Variants in GABRG3 observed in about 807,000 individuals in gnomAD.
GABRG3 encodes the protein gamma-aminobutyric acid receptor subunit gamma-3.
A neutral mutation model predicts 48.8 loss-of-function variants in GABRG3; 25 were observed. That is an observed-to-expected ratio of 0.51 (90% CI 0.37 to 0.72). GABRG3 has a LOEUF of 0.72. Among genes scored for constraint, GABRG3 ranks in the 30% least tolerant of loss-of-function variants. The probability of loss-of-function intolerance (pLI) is 0.00; values close to 1 mark genes in which losing one functional copy is unlikely to be tolerated. For missense variants in GABRG3, 394 were observed against 577.9 expected (o/e 0.68, Z 3.26); for synonymous variants, 227 against 217.6 (o/e 1.04, Z -0.38).
intron 6 of GABRG3, among the ~76,000 whole-genome samples, chr15:27,491,928 T>C (rs1890366284): frequency 6.6e-6 from 1 of 152,212 alleles, no homozygotes; most frequent in African/African-American, 2.4e-5. Context: ...AATGCTACTG[T>C]TATTTACAGA....
At chr15:26,998,327 T>C (rs1279297415) in intron 2 of GABRG3, among the ~76,000 whole-genome samples, 1 of 152,224 alleles carries the variant, frequency 6.6e-6, no homozygotes, top group Non-Finnish European at 1.5e-5. Flanking sequence ...GATGCCATCC[T>C]CCTTGTCCAG....
intron 5 of GABRG3, among the ~76,000 whole-genome samples, chr15:27,391,684 G>C (rs903873998): frequency 5.3e-4 from 81 of 152,292 alleles, no homozygotes; most frequent in African/African-American, 1.6e-3. Flanking sequence ...AAAAGGAAGA[G>C]AAATCGTATT....
At chr15:27,412,655 G>A (rs1398059506) in intron 5 of GABRG3, among the ~76,000 whole-genome samples, 3 of 152,172 alleles carry the variant, frequency 2.0e-5, no homozygotes, top group African/African-American at 7.2e-5. Flanking sequence ...GCTTGAACGT[G>A]GAAGAGGCAG....
chr15:27,251,728 C>T (rs146730533), intron 3 of GABRG3, among the ~76,000 whole-genome samples: 105 of 152,292 alleles, frequency 6.9e-4, no homozygotes, highest in African/African-American at 2.3e-3. Context: ...GCCTTTATGT[C>T]TACACAGTGC....
At chr15:27,343,130 C>T (rs1233869085) in intron 5 of GABRG3, among the ~76,000 whole-genome samples, 2 of 152,138 alleles carry the variant, frequency 1.3e-5, no homozygotes, top group African/African-American at 4.8e-5. Context: ...CTGTGCAGTG[C>T]CTCGGGCTCA....
intron 3 of GABRG3, among the ~76,000 whole-genome samples, chr15:27,217,804 A>G (rs1011695555): frequency 2.0e-5 from 3 of 152,196 alleles, no homozygotes; most frequent in Admixed American, 6.5e-5. Context: ...TGGCAAGGTC[A>G]CGTGTGGGCA....
At chr15:27,090,010 G>A (rs140333434) in intron 3 of GABRG3, among the ~76,000 whole-genome samples, 141 of 152,224 alleles carry the variant, frequency 9.3e-4, no homozygotes, top group Middle Eastern at 3.4e-3. Flanking sequence ...TATGAACATC[G>A]GTGTACAAGT....
At chr15:27,070,876 T>G (rs2140733751) in intron 3 of GABRG3, among the ~76,000 whole-genome samples, 1 of 152,326 alleles carries the variant, frequency 6.6e-6, no homozygotes, top group South Asian at 2.1e-4. Context: ...TGTTCAAAGG[T>G]AGCCCCTCAG....
At chr15:27,436,116 G>C (rs567804558) in intron 5 of GABRG3, among the ~76,000 whole-genome samples, 2 of 152,202 alleles carry the variant, frequency 1.3e-5, no homozygotes, top group Non-Finnish European at 2.9e-5. Context: ...AGACTGGGGG[G>C]CTTAAACAAC....
chr15:27,529,450 C>G (rs942735439), intron 9 of GABRG3, among the ~76,000 whole-genome samples: 1 of 36,334 alleles, frequency 2.8e-5, no homozygotes. Context: ...ATGTTTCAAG[C>G]CCCCCCATAA....
At chr15:27,012,037 C>T (rs893498322) in intron 2 of GABRG3, among the ~76,000 whole-genome samples, 7 of 151,966 alleles carry the variant, frequency 4.6e-5, no homozygotes, top group Non-Finnish European at 7.4e-5. Context: ...ATCCAAGCTT[C>T]CATATGCTAT....
intron 3 of GABRG3, among the ~76,000 whole-genome samples, chr15:27,046,550 C>G (rs1229083824): frequency 6.6e-6 from 1 of 152,208 alleles, no homozygotes; most frequent in East Asian, 1.9e-4. Flanking sequence ...TAGTGCTGTG[C>G]GCATCCCTTA....
intron 2 of GABRG3, among the ~76,000 whole-genome samples, chr15:26,982,113 T>C (rs1233338911): frequency 6.6e-6 from 1 of 152,216 alleles, no homozygotes; most frequent in African/African-American, 2.4e-5. Context: ...ACAAATTCAA[T>C]TGTCACCACA....
intron 5 of GABRG3, among the ~76,000 whole-genome samples, chr15:27,453,096 C>T (rs2150831704): frequency 6.6e-6 from 1 of 152,258 alleles, no homozygotes; most frequent in South Asian, 2.1e-4. Context: ...AGTCCAACTC[C>T]TAGAAGCAGA....
intron 5 of GABRG3, among the ~76,000 whole-genome samples, chr15:27,357,395 T>C (rs1894876907): frequency 6.6e-6 from 1 of 152,256 alleles, no homozygotes; most frequent in Non-Finnish European, 1.5e-5. Flanking sequence ...CTCTCAGTCC[T>C]ACACAAGGCT....
In GABRG3 at chr15:27,169,565, T is replaced by C. The variant is rs1046148722; in HGVS notation, c.270+142744T>C. ...GATGGGGATGTGATCAAAACTGTGC[T>C]GCCGACATTTCCCATGGAGGTCACA... On this transcript the variant is annotated intron_variant, in intron 3 of 9. Coordinates refer to ENST00000615808, the MANE Select transcript of GABRG3 (RefSeq NM_033223.5). Among the ~76,000 whole-genome samples, 8 of 152,162 alleles carry C rather than the reference T, an allele frequency of 5.3e-5. No individual in the cohort carries two copies. In the East Asian group the frequency reaches 1.5e-3, roughly 29 times the overall value.
Position 27,004,588 on chromosome 15 carries a change from A to C in GABRG3, c.203-22166A>C, listed in dbSNP as rs572254528. On this transcript the variant is annotated intron_variant, in intron 2 of 9. Transcript: ENST00000615808. ...TGCAATCTTGGCATTTTGGGAGGCC[A>C]AGGCAGGCGGCTGGGAGGTGGAGGT... Among the ~76,000 whole-genome samples, 11 of 152,310 alleles carry C rather than the reference A, an allele frequency of 7.2e-5. No individual in the cohort carries two copies. The South Asian group carries it at 2.3e-3, about 32-fold the overall frequency.
intron 3 of GABRG3, among the ~76,000 whole-genome samples, chr15:27,152,645 T>C (rs549617462): frequency 6.6e-6 from 1 of 152,322 alleles, no homozygotes; most frequent in East Asian, 1.9e-4. Context: ...TTTTAGATCT[T>C]CTTTGATTTC....
chr15:27,289,272 C>CTT (rs548662687), intron 3 of GABRG3, among the ~76,000 whole-genome samples: 14,725 of 148,978 alleles, frequency 0.099, 2,397 homozygotes, highest in African/African-American at 0.34. Flanking sequence ...TGCCTCTACT[C>CTT]TTTTTTTTTT....
Sources: gnomAD v4.1 joint callset for allele counts (sites outside exome capture counted in the v4.1 genomes callset) on GRCh38, gnomAD v4.1.1 for gene constraint, MANE v1.5 for transcripts, NCBI Gene and HGNC (gene_info 2026-07-23, HGNC 2026-07-21) for gene names.